The following ATP6V1G1 variants were observed in gnomAD, a reference collection of about 807,000 sequenced individuals.
ATP6V1G1 encodes the protein V-type proton ATPase subunit G 1.
In ATP6V1G1, 14 loss-of-function variants were observed where a neutral mutation model predicts 14.2. That is an observed-to-expected ratio of 0.99 (90% CI 0.65 to 1.55). The LOEUF is 1.55. Ranked by LOEUF, ATP6V1G1 falls within the 40% of genes most tolerant of loss-of-function variation. The pLI is 0.00. For synonymous variants in ATP6V1G1, 65 were observed against 53.3 expected, an observed-to-expected ratio of 1.22 and a Z score of -0.96; for missense variants, 137 against 146.4, an observed-to-expected ratio of 0.94 and a Z score of 0.33.
chr9:114,597,473 G>C, intron 2 of ATP6V1G1, 97 bp from the exon 3 acceptor site: 1 of 1,284,128 alleles, frequency 7.8e-7, no homozygotes, highest in African/African-American at 1.5e-5. Context: ...GGTGAGCCTG[G>C]GTTTCTCCAA....
At chr9:114,597,102 T>C (rs1038662429) in intron 2 of ATP6V1G1, among the ~76,000 whole-genome samples, 2 of 149,270 alleles carry the variant, frequency 1.3e-5, no homozygotes, top group African/African-American at 4.9e-5. Context: ...GCCATTCTCC[T>C]GCCTCAGCCT....
At chr9:114,595,515 A>G (rs7043244) in intron 2 of ATP6V1G1, among the ~76,000 whole-genome samples, 14,946 of 152,162 alleles carry the variant, frequency 0.098, 833 homozygotes, top group South Asian at 0.14. Flanking sequence ...TTAGCCGGGC[A>G]TGGTGGTGTA....
Position 114,597,553 on chromosome 9 carries a change from T to C in ATP6V1G1, c.184-17T>C, listed in dbSNP as rs1162978630. The C allele has an allele frequency of 6.8e-7, 1 of 1,477,992 alleles. No individual in the cohort carries two copies. 91.6% of individuals were successfully genotyped at this position (1,477,992 alleles called of 1,614,324 possible). On this transcript the variant is annotated splice_polypyrimidine_tract_variant and intron_variant, in intron 2 of 2. Transcript: ENST00000374050. Reference sequence around the variant, plus strand: ...TTGTTCTGATAATCCCTCCGTGACATCACTCCCCATCTCCAGGCATTGGGA... The same window carrying C: ...TTGTTCTGATAATCCCTCCGTGACACCACTCCCCATCTCCAGGCATTGGGA...
intron 1 of ATP6V1G1, among the ~76,000 whole-genome samples, chr9:114,588,455 G>C (rs1943219296): frequency 6.6e-6 from 1 of 151,634 alleles, no homozygotes. Flanking sequence ...GCGTGTGTGT[G>C]TTTCTGATAT....
At chr9:114,588,851 A>G (rs1290956261) in intron 1 of ATP6V1G1, among the ~76,000 whole-genome samples, 6 of 152,072 alleles carry the variant, frequency 3.9e-5, no homozygotes, top group African/African-American at 1.5e-4. Context: ...ATAAGTGCAG[A>G]TATGATTTCC....
At position 114,595,432 on chromosome 9, in the gene ATP6V1G1, G is replaced by A. The variant is rs369921716; in HGVS notation, c.184-2138G>A. On this transcript the variant is annotated intron_variant, in intron 2 of 2. Transcript: ENST00000374050. ...TTTGGGAGGCCAAGGTGGGTGGATC[G>A]TTTGAGCCCAGGAGTTCAAGACCTG... Among the ~76,000 whole-genome samples the A allele has an allele frequency of 4.7e-4, 71 of 152,176 alleles. 1 individual carries two copies. In the South Asian group the frequency reaches 0.014, roughly 31 times the overall value.
chr9:114,588,510 A>AGTGTGT (rs66783144), intron 1 of ATP6V1G1, among the ~76,000 whole-genome samples: 1,523 of 147,164 alleles, frequency 0.01, 12 homozygotes, highest in East Asian at 0.014. Flanking sequence ...TGGCAAGCGC[A>AGTGTGT]GTGTGTGTGT....
intron 2 of ATP6V1G1, 66 bp downstream of exon 2, chr9:114,592,718 AAT>A: frequency 1.3e-6 from 2 of 1,491,578 alleles, no homozygotes; most frequent in Non-Finnish European, 9.1e-7. Flanking sequence ...AGGCTTTCAG[AAT>A]ATCCAGCATA....
intron 1 of ATP6V1G1, among the ~76,000 whole-genome samples, chr9:114,591,586 A>C (rs1016548327): frequency 1.3e-5 from 2 of 152,190 alleles, no homozygotes; most frequent in Admixed American, 1.3e-4. Context: ...TAATTGTTTC[A>C]GACTAGCATC....
Position 114,598,851 on chromosome 9 carries a change from T to TA in ATP6V1G1, c.*1109dup, listed in dbSNP as rs1845270295. Among the ~76,000 whole-genome samples the TA allele has an allele frequency of 6.6e-6, 1 of 152,142 alleles. No homozygotes were observed. The highest frequency in any genetic ancestry group is 2.1e-4 in the South Asian group (1 of 4,826). On this transcript the variant is annotated 3_prime_UTR_variant, in exon 3 of 3. Transcript: ENST00000374050. ...CTTGCTTGTTCTGATACAATACAAC[T>TA]AGATGACCTTAAAAACCCTCATATT...
At chr9:114,588,850 G>C (rs1845155312) in intron 1 of ATP6V1G1, among the ~76,000 whole-genome samples, 1 of 152,032 alleles carries the variant, frequency 6.6e-6, no homozygotes. Flanking sequence ...AATAAGTGCA[G>C]ATATGATTTC....
chr9:114,594,792 A>G (rs182258783), intron 2 of ATP6V1G1, among the ~76,000 whole-genome samples: 52 of 151,576 alleles, frequency 3.4e-4, no homozygotes, highest in Non-Finnish European at 6.3e-4. Context: ...GATTATAGAG[A>G]TGGTACTGGT....
At chr9:114,589,166 G>A (rs981426436) in intron 1 of ATP6V1G1, among the ~76,000 whole-genome samples, 2 of 152,188 alleles carry the variant, frequency 1.3e-5, no homozygotes, top group African/African-American at 4.8e-5. Context: ...TTGTCCCCCG[G>A]ACTAGGCTTG....
chr9:114,587,806 G>A lies in ATP6V1G1; in HGVS notation c.-33G>A. On this transcript the variant is annotated 5_prime_UTR_variant, in exon 1 of 3. Coordinates refer to ENST00000374050, the MANE Select transcript of ATP6V1G1 (RefSeq NM_004888.4). The stretch of plus-strand genomic sequence containing the variant: ...CCAAGGGGCCTTCGAGGTGCCTTAG[G>A]CCGCTTGCCTTGCTCTCAGAATCGC... 1 of 1,563,668 alleles carries A rather than the reference G, an allele frequency of 6.4e-7. No individual in the cohort carries two copies. Among genetic ancestry groups the A allele is most frequent in the Non-Finnish European group, 8.7e-7 (1 of 1,153,614 alleles).
rs1449558520 is a variant in ATP6V1G1, at chr9:114,588,192, C to T, written c.82+272C>T. ...AGGCATGTGAAATGGGCTCTCCAAA[C>T]GGAGCTCTTTGTTCTTCTTCTCTCC... On this transcript the variant is annotated intron_variant, in intron 1 of 2. Coordinates refer to ENST00000374050, the MANE Select transcript of ATP6V1G1 (RefSeq NM_004888.4). The T allele has an allele frequency of 2.7e-5, 13 of 479,530 alleles. No individual in the cohort carries two copies. The South Asian group carries it at 3.6e-4, about 13-fold the overall frequency. 29.7% of individuals were successfully genotyped at this position (479,530 alleles called of 1,614,324 possible). A position where few individuals can be genotyped will look rare whatever the true frequency, so the allele number is the denominator to read the frequency against.
At chr9:114,590,113 G>T (rs1345673881) in intron 1 of ATP6V1G1, among the ~76,000 whole-genome samples, 3 of 150,904 alleles carry the variant, frequency 2.0e-5, no homozygotes, top group South Asian at 4.2e-4. Flanking sequence ...CAGGAGAAAC[G>T]CTTGAACCCA....
In ATP6V1G1 at chr9:114,596,476, T is replaced by G. The variant is rs753652963; in HGVS notation, c.184-1094T>G. 3.7e-4 allele frequency among the ~76,000 whole-genome samples: 56 copies of G among 152,268 alleles called. 1 individual carries two copies. The Middle Eastern group carries it at 0.017, about 47-fold the overall frequency. ...TGCAGTCCTCCTCAGAGCCAGTCACTGTTAACAGGTTTCTTTTTTTATTCT... is the reference window on the plus strand; with the variant it reads ...TGCAGTCCTCCTCAGAGCCAGTCACGGTTAACAGGTTTCTTTTTTTATTCT... On this transcript the variant is annotated intron_variant, in intron 2 of 2. Transcript: ENST00000374050.
rs1025449499 is a variant in ATP6V1G1 at position 114,597,651 on chromosome 9, C to T, written c.265C>T (p.Arg89Trp). 30 of 1,590,300 alleles carry T rather than the reference C, an allele frequency of 1.9e-5. No homozygotes were observed. The highest frequency in any genetic ancestry group is 2.4e-5 in the Non-Finnish European group (28 of 1,170,176). Residue 89 changes from arginine to tryptophan, a missense_variant, in exon 3 of 3, where the codon CGG (arginine) becomes TGG (tryptophan). Transcript: ENST00000374050. ...GATGACCATCCTCCAGACATACTTC[C>T]GGCAGAACAGGGATGAAGTCTTGGA... ...EKMTILQTYF[R>W]QNRDEVLDNL...
intron 2 of ATP6V1G1, among the ~76,000 whole-genome samples, chr9:114,596,853 T>C (rs922483410): frequency 6.6e-6 from 1 of 152,174 alleles, no homozygotes; most frequent in Non-Finnish European, 1.5e-5. Context: ...TTGATACTGT[T>C]GTATATCTTG....
Sources: allele counts gnomAD v4.1 joint callset (sites outside exome capture counted in the v4.1 genomes callset), GRCh38; gene constraint gnomAD v4.1.1; transcripts MANE v1.5; gene names NCBI Gene and HGNC (gene_info 2026-07-23, HGNC 2026-07-21).